The following ERBB4 variants were observed in gnomAD, a reference collection of about 807,000 sequenced individuals.
ERBB4 encodes the protein erb-b2 receptor tyrosine kinase 4.
ERBB4 carries 42 observed loss-of-function variants against 158.0 expected under a neutral mutation model. The ratio of observed to expected loss-of-function variants is 0.27; its 90% CI spans 0.21 to 0.34. The LOEUF (loss-of-function observed/expected upper bound fraction) is 0.34. Among genes scored for constraint, ERBB4 ranks in the 10% least tolerant of loss-of-function variants. The pLI, the probability that ERBB4 is intolerant of heterozygous loss-of-function variation, is 1.00. For missense variants in ERBB4, 1,333 were observed against 1,624.1 expected, an observed-to-expected ratio of 0.82 and a Z score of 3.08; for synonymous variants, 583 against 558.7, an observed-to-expected ratio of 1.04 and a Z score of -0.61.
At chr2:211,569,796 T>C (rs2067660136) in intron 19 of ERBB4, among the ~76,000 whole-genome samples, 1 of 152,184 alleles carries the variant, frequency 6.6e-6, no homozygotes, top group South Asian at 2.1e-4. Context: ...GACCAAGTCA[T>C]GTAGGGCCTT....
chr2:212,146,429 T>C (rs2080675570), intron 1 of ERBB4, among the ~76,000 whole-genome samples: 1 of 152,222 alleles, frequency 6.6e-6, no homozygotes, highest in Non-Finnish European at 1.5e-5. Context: ...CATATGGTGC[T>C]AAGCTAGTAG....
At chr2:211,720,071 G>C (rs1248432957) in intron 7 of ERBB4, among the ~76,000 whole-genome samples, 1 of 152,128 alleles carries the variant, frequency 6.6e-6, no homozygotes, top group Non-Finnish European at 1.5e-5. Flanking sequence ...ATCCAGTCCA[G>C]CTTCCCAGCG....
intron 1 of ERBB4, among the ~76,000 whole-genome samples, chr2:212,259,339 C>G (rs1036981290): frequency 2.6e-5 from 4 of 152,104 alleles, no homozygotes; most frequent in Non-Finnish European, 5.9e-5. Context: ...AGTCCCCTCC[C>G]AACATACACA....
chr2:211,464,184 G>C (rs1383203762), intron 20 of ERBB4, among the ~76,000 whole-genome samples: 1 of 152,126 alleles, frequency 6.6e-6, no homozygotes, highest in Non-Finnish European at 1.5e-5. Flanking sequence ...TCTAATAGAA[G>C]ATAAGCTCAA....
intron 2 of ERBB4, among the ~76,000 whole-genome samples, chr2:212,004,137 T>C (rs535494691): frequency 2.0e-5 from 3 of 152,220 alleles, no homozygotes; most frequent in Non-Finnish European, 4.4e-5. Flanking sequence ...CTATGGGAAA[T>C]GGAAACAATA....
intron 1 of ERBB4, among the ~76,000 whole-genome samples, chr2:212,154,250 T>C (rs1443305331): frequency 6.6e-6 from 1 of 152,088 alleles, no homozygotes; most frequent in Non-Finnish European, 1.5e-5. Context: ...AAGAAAATGA[T>C]TCACATGGCT....
chr2:211,606,234 G>A (rs760744661), intron 19 of ERBB4, among the ~76,000 whole-genome samples: 3 of 151,974 alleles, frequency 2.0e-5, no homozygotes, highest in East Asian at 3.9e-4. Flanking sequence ...CCCTGCTAGC[G>A]GAATTATATC....
chr2:212,325,018 CA>C (rs77736755), intron 1 of ERBB4, among the ~76,000 whole-genome samples: 103,088 of 148,936 alleles, frequency 0.69, 37,321 homozygotes, highest in Non-Finnish European at 0.75. Flanking sequence ...ACAAGCAACC[CA>C]AAAAAAAACT....
intron 1 of ERBB4, among the ~76,000 whole-genome samples, chr2:212,512,324 GTA>G (rs139979390): frequency 0.022 from 3,329 of 148,298 alleles, 123 homozygotes; most frequent in African/African-American, 0.078. Context: ...TACATATTGA[GTA>G]TATATATATA....
intron 5 of ERBB4, among the ~76,000 whole-genome samples, chr2:211,735,965 C>A (rs930650148): frequency 6.6e-6 from 1 of 151,690 alleles, no homozygotes; most frequent in Non-Finnish European, 1.5e-5. Context: ...CTAGCCTAGG[C>A]AACATAATGA....
chr2:212,209,291 A>C (rs1158226941), intron 1 of ERBB4, among the ~76,000 whole-genome samples: 1 of 152,190 alleles, frequency 6.6e-6, no homozygotes, highest in Non-Finnish European at 1.5e-5. Flanking sequence ...TTTAAAATGC[A>C]TATTACTTTT....
At chr2:211,556,368 A>C (rs1029652039) in intron 20 of ERBB4, among the ~76,000 whole-genome samples, 2 of 152,218 alleles carry the variant, frequency 1.3e-5, no homozygotes, top group African/African-American at 4.8e-5. Flanking sequence ...TGACATTATC[A>C]GACAAATCAT....
intron 2 of ERBB4, among the ~76,000 whole-genome samples, chr2:211,984,781 G>C (rs2081895100): frequency 6.6e-6 from 1 of 151,918 alleles, no homozygotes; most frequent in South Asian, 2.1e-4. Flanking sequence ...GGAGTACAAT[G>C]GCACGACCTT....
chr2:211,822,689 AT>A (rs2077020121), intron 3 of ERBB4, among the ~76,000 whole-genome samples: 1 of 151,900 alleles, frequency 6.6e-6, no homozygotes, highest in Admixed American at 6.6e-5. Flanking sequence ...TTTATATAAA[AT>A]ATGGCATAAT....
At chr2:212,250,457 A>C (rs2084488169) in intron 1 of ERBB4, among the ~76,000 whole-genome samples, 1 of 151,956 alleles carries the variant, frequency 6.6e-6, no homozygotes. Flanking sequence ...TTGGCTGCTC[A>C]GGAACCTCCT....
At chr2:212,390,001 G>A (rs1160322042) in intron 1 of ERBB4, among the ~76,000 whole-genome samples, 2 of 151,702 alleles carry the variant, frequency 1.3e-5, no homozygotes, top group Non-Finnish European at 3.0e-5. Context: ...ATTCACCAAT[G>A]AAAAATGAAT....
intron 1 of ERBB4, among the ~76,000 whole-genome samples, chr2:212,139,159 AC>A (rs962957257): frequency 2.6e-5 from 4 of 152,116 alleles, no homozygotes; most frequent in African/African-American, 9.7e-5. Context: ...TAAAAGTCCA[AC>A]CTTTTAATGG....
intron 3 of ERBB4, among the ~76,000 whole-genome samples, chr2:211,945,891 T>C (rs1295670638): frequency 1.3e-5 from 2 of 152,042 alleles, no homozygotes; most frequent in Non-Finnish European, 2.9e-5. Flanking sequence ...ATTTATTCAT[T>C]TTTTTCTTTA....
chr2:212,088,398 T>C (rs1168872380), intron 2 of ERBB4, among the ~76,000 whole-genome samples: 4 of 152,126 alleles, frequency 2.6e-5, no homozygotes, highest in African/African-American at 4.8e-5. Flanking sequence ...GGAAGAATTA[T>C]TGTGAAAAAT....
Sources: allele counts gnomAD v4.1 joint callset (sites outside exome capture counted in the v4.1 genomes callset), GRCh38; gene constraint gnomAD v4.1.1; transcripts MANE v1.5; gene names NCBI Gene and HGNC (gene_info 2026-07-23, HGNC 2026-07-21).